Variants in PTAR1 observed in about 807,000 individuals in gnomAD.
The protein encoded by PTAR1 is protein prenyltransferase alpha subunit repeat containing 1.
Under a neutral mutation model 45.5 loss-of-function variants are expected in PTAR1, and 17 were observed. The observed-to-expected ratio is 0.37, with a 90% CI of 0.26 to 0.56. PTAR1 has a LOEUF of 0.56. PTAR1 is among the 20% of genes least tolerant of loss of function. The pLI, the probability that PTAR1 is intolerant of heterozygous loss-of-function variation, is 0.77. For synonymous variants in PTAR1, 169 were observed against 171.3 expected, an observed-to-expected ratio of 0.99 and a Z score of 0.11; for missense variants, 391 against 476.3, an observed-to-expected ratio of 0.82 and a Z score of 1.67.
intron 3 of PTAR1, among the ~76,000 whole-genome samples, chr9:69,737,284 T>C (rs1335662608): frequency 6.6e-6 from 1 of 152,144 alleles, no homozygotes; most frequent in Admixed American, 6.5e-5. Flanking sequence ...TCTCACCATG[T>C]TGCCCAGGCT....
intron 1 of PTAR1, among the ~76,000 whole-genome samples, chr9:69,754,901 T>C (rs995331547): frequency 6.6e-6 from 1 of 151,668 alleles, no homozygotes; most frequent in Admixed American, 6.6e-5. Flanking sequence ...TGGGATCATA[T>C]TGAACATATT....
chr9:69,721,275 G>A (rs146521452), intron 6 of PTAR1, among the ~76,000 whole-genome samples: 18 of 152,110 alleles, frequency 1.2e-4, no homozygotes, highest in Admixed American at 4.6e-4. Flanking sequence ...AGTAAGTCAC[G>A]GCAAATGTGG....
At chr9:69,733,903 CTA>C (rs1423905123) in intron 4 of PTAR1, among the ~76,000 whole-genome samples, 2 of 152,064 alleles carry the variant, frequency 1.3e-5, no homozygotes, top group African/African-American at 2.4e-5. Context: ...TGACTGTTAA[CTA>C]TATGAGACAG....
intron 3 of PTAR1, among the ~76,000 whole-genome samples, chr9:69,735,096 A>G (rs758850424): frequency 2.0e-5 from 3 of 152,218 alleles, no homozygotes; most frequent in Non-Finnish European, 4.4e-5. Context: ...AAATACTTAC[A>G]TGACCCTTGA....
chr9:69,731,732 C>T (rs1028210135), intron 5 of PTAR1, among the ~76,000 whole-genome samples: 1 of 151,818 alleles, frequency 6.6e-6, no homozygotes, highest in Non-Finnish European at 1.5e-5. Flanking sequence ...TCCCTGCCCT[C>T]CTCTCCCCCT....
In PTAR1 at chr9:69,709,825, C is replaced by T. The variant is rs1824454963; in HGVS notation, c.*8517G>A. On this transcript the variant is annotated 3_prime_UTR_variant, in exon 8 of 8. Coordinates refer to ENST00000340434, the MANE Select transcript of PTAR1 (RefSeq NM_001099666.2). ...ATAAAAACAAAATAGGTAAGATATACAATTAACATGCAATTTAAGCTATAT... is the reference window on the plus strand; with the variant it reads ...ATAAAAACAAAATAGGTAAGATATATAATTAACATGCAATTTAAGCTATAT... The T allele has an allele frequency of 6.6e-6, 1 of 152,002 alleles. No homozygotes were observed. The highest frequency in any genetic ancestry group is 2.1e-4 in the South Asian group (1 of 4,828). The allele number at this position is 152,002 out of a possible 1,614,324, so 9.4% of individuals were successfully genotyped here.
chr9:69,756,821 G>A (rs1390196121), intron 1 of PTAR1, among the ~76,000 whole-genome samples: 1 of 151,856 alleles, frequency 6.6e-6, no homozygotes, highest in Non-Finnish European at 1.5e-5. Context: ...TTAATTTACT[G>A]TTCATGCAGT....
chr9:69,723,083 T>C (rs529219274), intron 6 of PTAR1, among the ~76,000 whole-genome samples: 12 of 152,148 alleles, frequency 7.9e-5, no homozygotes, highest in Admixed American at 2.0e-4. Context: ...ACAGTCAAGG[T>C]TGAATATCAC....
chr9:69,753,167 T>C (rs1588487946), intron 1 of PTAR1, among the ~76,000 whole-genome samples: 1 of 151,884 alleles, frequency 6.6e-6, no homozygotes, highest in African/African-American at 2.4e-5. Context: ...AAATTCACAA[T>C]ATAAAAACCT....
In PTAR1 at chr9:69,715,996, A is replaced by G. The variant is rs1276869839; in HGVS notation, c.*2346T>C. ...GCCTTAGAAGATATGAAAATAGTTTACACACCAAAGATAGGCAAGATAATC... is the reference window on the plus strand; with the variant it reads ...GCCTTAGAAGATATGAAAATAGTTTGCACACCAAAGATAGGCAAGATAATC... On this transcript the variant is annotated 3_prime_UTR_variant, in exon 8 of 8. Coordinates refer to ENST00000340434, the MANE Select transcript of PTAR1 (RefSeq NM_001099666.2). 6.6e-6 allele frequency: 1 copy of G among 152,182 alleles called. No homozygotes were observed. Among genetic ancestry groups the G allele is most frequent in the Non-Finnish European group, 1.5e-5 (1 of 68,032 alleles). 9.4% of individuals were successfully genotyped at this position (152,182 alleles called of 1,614,324 possible). A position where few individuals can be genotyped will look rare whatever the true frequency, so the allele number is the denominator to read the frequency against.
rs1158168141 is a variant in PTAR1 at position 69,713,347 on chromosome 9, C to T, written c.*4995G>A. The T allele has an allele frequency of 1.3e-5, 2 of 152,122 alleles. No homozygotes were observed. Among genetic ancestry groups the T allele is most frequent in the African/African-American group, 2.4e-5 (1 of 41,438 alleles). The allele number at this position is 152,122 out of a possible 1,614,324, so 9.4% of individuals were successfully genotyped here. On this transcript the variant is annotated 3_prime_UTR_variant, in exon 8 of 8. Transcript: ENST00000340434. The stretch of plus-strand genomic sequence containing the variant: ...TCTTCACCATGAACATGGCATATTG[C>T]TGCCCTTTAGGAATATATTATTCAA...
intron 6 of PTAR1, among the ~76,000 whole-genome samples, chr9:69,722,826 C>G (rs1825081489): frequency 6.6e-6 from 1 of 150,680 alleles, no homozygotes; most frequent in Non-Finnish European, 1.5e-5. Context: ...ATAATCCCAC[C>G]TACTTGGAAG....
intron 2 of PTAR1, among the ~76,000 whole-genome samples, 172 bp from the exon 3 acceptor site, chr9:69,742,030 ACT>A (rs928700352): frequency 6.6e-6 from 1 of 152,100 alleles, no homozygotes; most frequent in Admixed American, 6.6e-5. Flanking sequence ...TATGAAGATT[ACT>A]CTCAAGACCC....
In PTAR1 at chr9:69,756,057, A is replaced by C. The variant is rs1308944279; in HGVS notation, c.86+3796T>G. On this transcript the variant is annotated intron_variant, in intron 1 of 7. Transcript: ENST00000340434. ...CTTAGACTATCAAACTCTAAACTCA[A>C]ATTTTTACAACTATACTACACTATT... 2.6e-5 allele frequency among the ~76,000 whole-genome samples: 4 copies of C among 152,182 alleles called. No homozygotes were observed. The East Asian group carries it at 7.7e-4, about 29-fold the overall frequency.
At chr9:69,746,080 A>C (rs1316234487) in intron 2 of PTAR1, among the ~76,000 whole-genome samples, 1 of 152,140 alleles carries the variant, frequency 6.6e-6, no homozygotes, top group Non-Finnish European at 1.5e-5. Context: ...TCTTTCACAA[A>C]CTGCTAAAAC....
chr9:69,736,704 G>C (rs1027280262), intron 3 of PTAR1, among the ~76,000 whole-genome samples: 2 of 151,936 alleles, frequency 1.3e-5, no homozygotes, highest in Non-Finnish European at 2.9e-5. Context: ...CTTCAAAAAA[G>C]AGGCAGTTAC....
chr9:69,759,745 G>A (rs1464900792), intron 1 of PTAR1, 108 bp downstream of exon 1: 7 of 1,121,030 alleles, frequency 6.2e-6, no homozygotes, highest in East Asian at 6.6e-5. Context: ...AGAAGGGCTC[G>A]TGGGCCAGGA....
At chr9:69,748,101 G>T (rs538119240) in intron 2 of PTAR1, among the ~76,000 whole-genome samples, 7 of 152,308 alleles carry the variant, frequency 4.6e-5, no homozygotes, top group African/African-American at 1.7e-4. Flanking sequence ...TGGTTATGAG[G>T]TAATAACATT....
intron 3 of PTAR1, among the ~76,000 whole-genome samples, chr9:69,734,546 G>A (rs377218694): frequency 1.3e-5 from 2 of 152,000 alleles, no homozygotes; most frequent in African/African-American, 4.8e-5. Context: ...AACTATTTGC[G>A]TGAGGGTAAA....
Sources: gnomAD v4.1 joint callset for allele counts (sites outside exome capture counted in the v4.1 genomes callset) on GRCh38, gnomAD v4.1.1 for gene constraint, MANE v1.5 for transcripts, NCBI Gene and HGNC (gene_info 2026-07-23, HGNC 2026-07-21) for gene names.